Variants in GRIN1 observed in about 807,000 individuals in gnomAD.
GRIN1 encodes glutamate ionotropic receptor NMDA type subunit 1, also known as glutamate receptor ionotropic, NMDA 1.
GRIN1 carries 38 observed loss-of-function variants against 103.0 expected under a neutral mutation model. That is an observed-to-expected ratio of 0.37 (90% CI 0.28 to 0.48). The LOEUF (loss-of-function observed/expected upper bound fraction) is 0.48. Among genes scored for constraint, GRIN1 ranks in the 20% least tolerant of loss-of-function variants. The pLI, the probability that GRIN1 is intolerant of heterozygous loss-of-function variation, is 0.98. For synonymous variants in GRIN1, 544 were observed against 532.7 expected (o/e 1.02, Z -0.29); for missense variants, 577 against 1,288.9 (o/e 0.45, Z 8.46).
intron 4 of GRIN1, among the ~76,000 whole-genome samples, chr9:137,153,897 G>A (rs1318840597): frequency 2.0e-5 from 3 of 152,086 alleles, no homozygotes; most frequent in Non-Finnish European, 4.4e-5. Flanking sequence ...TGCAACCTCT[G>A]CCCCCTGGGA....
chr9:137,162,437 G>T lies in GRIN1; in HGVS notation c.1785G>T (p.Glu595Asp). 1 of 1,609,602 alleles carries T rather than the reference G, an allele frequency of 6.2e-7. No homozygotes were observed. The highest frequency in any genetic ancestry group is 8.5e-7 in the Non-Finnish European group (1 of 1,179,544). The part of the protein sequence containing the change: ...PFGRFKVNSE[E>D]EEEDALTLSS... Reference sequence around the variant, plus strand: ...GCCGGTTCAAGGTGAACAGCGAGGAGGAGGAGGAGGACGCACTGACCCTGT... The same window carrying T: ...GCCGGTTCAAGGTGAACAGCGAGGATGAGGAGGAGGACGCACTGACCCTGT... The change falls in exon 13 of 20, where the codon GAG (glutamate) becomes GAT (aspartate). Residue 595 changes from glutamate (E) to aspartate (D), a missense_variant. Transcript: ENST00000371561.
intron 4 of GRIN1, among the ~76,000 whole-genome samples, chr9:137,150,896 C>T (rs1359470396): frequency 2.7e-5 from 4 of 148,254 alleles, no homozygotes; most frequent in African/African-American, 1.0e-4. Flanking sequence ...AAAGCCCCGC[C>T]CAGATAAAAG....
chr9:137,148,052 G>GTC, intron 3 of GRIN1: 1 of 742,514 alleles, frequency 1.3e-6, no homozygotes, highest in Non-Finnish European at 2.2e-6. Flanking sequence ...GTCTGCAGAC[G>GTC]TGCCGAGGAG....
intron 8 of GRIN1, among the ~76,000 whole-genome samples, chr9:137,159,921 A>C (rs552076166): frequency 6.6e-6 from 1 of 152,202 alleles, no homozygotes; most frequent in Non-Finnish European, 1.5e-5. Context: ...TCTGGACTGC[A>C]GACTCCTCTG....
chr9:137,159,735 G>A (rs1588723514), intron 8 of GRIN1, among the ~76,000 whole-genome samples: 1 of 152,224 alleles, frequency 6.6e-6, no homozygotes. Context: ...TGTAATGAAA[G>A]TTTTATAAAG....
rs967911574 is a variant in GRIN1 at position 137,158,710 on chromosome 9, G to A, written c.1197+6G>A. The stretch of plus-strand genomic sequence containing the variant: ...AGATGTCCACCAGACTGAAGGTGGG[G>A]GCCCCACAGACCTCCCTCAGTGTCC... On this transcript the variant is annotated splice_donor_region_variant and intron_variant, in intron 8 of 19. Coordinates refer to ENST00000371561, the MANE Select transcript of GRIN1 (RefSeq NM_007327.4). 4.4e-6 allele frequency: 7 copies of A among 1,608,268 alleles called. No individual in the cohort carries two copies. In the African/African-American group the frequency reaches 6.7e-5, roughly 15 times the overall value.
rs1223397621 is a variant in GRIN1, at chr9:137,168,672, C to A, written c.*1145C>A. The A allele has an allele frequency of 4.6e-6, 2 of 430,130 alleles. No homozygotes were observed. Among genetic ancestry groups the A allele is most frequent in the Admixed American group, 4.7e-5 (1 of 21,142 alleles). The allele number at this position is 430,130 out of a possible 1,614,324, so 26.6% of individuals were successfully genotyped here. A position where few individuals can be genotyped will look rare whatever the true frequency, so the allele number is the denominator to read the frequency against. ...GGCCCGTGCGCAGCCGCGCTCTGCCCCTCCGTCCCCAGGGTGCAGGCGCGC... is the reference window on the plus strand; with the variant it reads ...GGCCCGTGCGCAGCCGCGCTCTGCCACTCCGTCCCCAGGGTGCAGGCGCGC... On this transcript the variant is annotated 3_prime_UTR_variant, in exon 20 of 20. Transcript: ENST00000371561.
chr9:137,146,614 G>A lies in GRIN1; in HGVS notation c.570+712G>A, dbSNP rs921947334. ...TCAGAGCTGGGATTTGGGGGGGTCC[G>A]AGCGACCCCTTTCCCCTTCCTTACC... is the stretch of plus-strand genomic sequence containing the variant. On this transcript the variant is annotated intron_variant, in intron 3 of 19. Coordinates refer to ENST00000371561, the MANE Select transcript of GRIN1 (RefSeq NM_007327.4). The surrounding 1 kb of genome is among the most constrained non-coding windows in gnomAD (Gnocchi z 6.7). Among the ~76,000 whole-genome samples the A allele has an allele frequency of 2.0e-5, 3 of 152,150 alleles. No homozygotes were observed. The highest frequency in any genetic ancestry group is 2.9e-5 in the Non-Finnish European group (2 of 68,036).
intron 8 of GRIN1, among the ~76,000 whole-genome samples, chr9:137,159,456 T>C (rs1009825681): frequency 1.2e-4 from 18 of 151,996 alleles, no homozygotes; most frequent in Non-Finnish European, 2.5e-4. Flanking sequence ...TCACCCAGGC[T>C]CCCTCCCCTG....
At chr9:137,154,217 C>G (rs1263950471) in intron 4 of GRIN1, among the ~76,000 whole-genome samples, 1 of 149,248 alleles carries the variant, frequency 6.7e-6, no homozygotes, top group Non-Finnish European at 1.5e-5. Flanking sequence ...CTCGGCCTCC[C>G]AGGTTCAAGT....
intron 19 of GRIN1, among the ~76,000 whole-genome samples, chr9:137,166,804 C>G (rs1185268106): frequency 5.9e-5 from 9 of 152,236 alleles, no homozygotes; most frequent in Non-Finnish European, 1.3e-4. Context: ...AGCCAGGAGT[C>G]CCGCAGGGAA....
rs770071711 is a variant in GRIN1 at position 137,141,905 on chromosome 9, C to A, written c.259-108C>A. The stretch of plus-strand genomic sequence containing the variant: ...GCATGTACCCGAATCATGCCCCCAG[C>A]CCCCCTTAGCCTGCTGGGTTCAGCC... On this transcript the variant is annotated intron_variant, in intron 1 of 19. Coordinates refer to ENST00000371561, the MANE Select transcript of GRIN1 (RefSeq NM_007327.4). 6.9e-6 allele frequency: 8 copies of A among 1,165,850 alleles called. No individual in the cohort carries two copies. In the East Asian group the frequency reaches 1.4e-4, roughly 20 times the overall value. The allele number at this position is 1,165,850 out of a possible 1,614,324, so 72.2% of individuals were successfully genotyped here.
At chr9:137,167,196 GC>G (rs1367298018) in intron 19 of GRIN1, among the ~76,000 whole-genome samples, 5 of 152,114 alleles carry the variant, frequency 3.3e-5, no homozygotes, top group Non-Finnish European at 7.4e-5. Flanking sequence ...GGGGAGGGCA[GC>G]CCAGCTCCCA....
chr9:137,163,969 C>T (rs781677719), intron 18 of GRIN1, 65 bp downstream of exon 18: 4 of 1,565,836 alleles, frequency 2.6e-6, no homozygotes, highest in Non-Finnish European at 3.5e-6. Context: ...CCTCCTCCAT[C>T]CCCGAAGGCC....
At chr9:137,148,390 G>A (rs997437285) in intron 3 of GRIN1, among the ~76,000 whole-genome samples, 1 of 152,306 alleles carries the variant, frequency 6.6e-6, no homozygotes, top group East Asian at 1.9e-4. Flanking sequence ...GGCGGCGTGG[G>A]TGCCTGAGGC....
chr9:137,145,681 T>G (rs995007694), intron 2 of GRIN1, 45 bp from the exon 3 acceptor site: 6 of 1,380,952 alleles, frequency 4.3e-6, no homozygotes, highest in Non-Finnish European at 3.9e-6. Context: ...GGAGGGCGGG[T>G]CCCCGCGGGT....
intron 19 of GRIN1, among the ~76,000 whole-genome samples, chr9:137,166,263 C>A (rs1833874330): frequency 6.6e-6 from 1 of 152,216 alleles, no homozygotes; most frequent in African/African-American, 2.4e-5. Context: ...CTGCTCGGGG[C>A]AGCTTGTCCC....
At chr9:137,144,470 CG>C (rs1368375610) in intron 2 of GRIN1, among the ~76,000 whole-genome samples, 1 of 151,524 alleles carries the variant, frequency 6.6e-6, no homozygotes, top group Non-Finnish European at 1.5e-5. Flanking sequence ...CTGGCTAATA[CG>C]GTGAAACCCC....
intron 6 of GRIN1, 31 bp from the exon 7 acceptor site, chr9:137,158,348 T>C (rs1331742913): frequency 1.2e-6 from 2 of 1,611,428 alleles, no homozygotes; most frequent in East Asian, 2.2e-5. Context: ...GGAGCATCTC[T>C]GAGAAGCCTC....
Sources: allele counts gnomAD v4.1 joint callset (sites outside exome capture counted in the v4.1 genomes callset), GRCh38; gene constraint gnomAD v4.1.1; non-coding constraint Gnocchi (gnomAD v3.1); transcripts MANE v1.5; gene names NCBI Gene and HGNC (gene_info 2026-07-23, HGNC 2026-07-21).